The following ZNF652 variants were observed in gnomAD, a reference collection of about 807,000 sequenced individuals.
ZNF652 encodes zinc finger protein 652.
ZNF652 carries 16 observed loss-of-function variants against 45.2 expected under a neutral mutation model. The observed-to-expected ratio is 0.35, with a 90% CI of 0.24 to 0.54. ZNF652 has a LOEUF of 0.54. ZNF652 is among the 20% of genes least tolerant of loss of function. The pLI, the probability that ZNF652 is intolerant of heterozygous loss-of-function variation, is 0.91. For synonymous variants in ZNF652, 250 were observed against 260.6 expected (o/e 0.96, Z 0.39); for missense variants, 614 against 765.6 (o/e 0.80, Z 2.34).
chr17:49,347,346 C>T (rs144971681), intron 1 of ZNF652, among the ~76,000 whole-genome samples: 1 of 152,296 alleles, frequency 6.6e-6, no homozygotes, highest in East Asian at 1.9e-4. Context: ...GTGTGGATTG[C>T]TTGAACTCAG....
chr17:49,298,583 G>A lies in ZNF652; in HGVS notation c.1651C>T (p.His551Tyr). The change falls in exon 6 of 6, where the codon CAC becomes TAC. Residue 551 changes from histidine (H) to tyrosine (Y), a missense_variant. This residue lies in a region of ZNF652 where 132 missense variants were observed against 137.2 expected (regional missense o/e 0.96). Transcript: ENST00000430262. ...RPIPHPFSHL[H>Y]IHPHPHHPHH... ...GGGTGGTGAGGGTGTGGGTGGATGT[G>A]CAGGTGTGAGAAGGGGTGGGGGATG... The A allele has an allele frequency of 6.2e-7, 1 of 1,611,792 alleles. No homozygotes were observed. The highest frequency in any genetic ancestry group is 2.2e-5 in the East Asian group (1 of 44,800).
intron 5 of ZNF652, among the ~76,000 whole-genome samples, chr17:49,310,932 G>C (rs1347386991): frequency 6.6e-6 from 1 of 152,070 alleles, no homozygotes; most frequent in Non-Finnish European, 1.5e-5. Flanking sequence ...AACAGAGAGA[G>C]AGGGGTATTC....
chr17:49,340,580 G>GAAA (rs5820757), intron 1 of ZNF652, among the ~76,000 whole-genome samples: 3 of 140,004 alleles, frequency 2.1e-5, no homozygotes, highest in Non-Finnish European at 3.0e-5. Context: ...AAGAAAGAAA[G>GAAA]AAAAAATATA....
At chr17:49,313,316 C>T (rs376494461) in intron 2 of ZNF652, among the ~76,000 whole-genome samples, 20 of 152,112 alleles carry the variant, frequency 1.3e-4, no homozygotes, top group South Asian at 8.3e-4. Context: ...TCACCATTCC[C>T]GGCTAATTTT....
chr17:49,301,104 A>T (rs2069546467), intron 5 of ZNF652, among the ~76,000 whole-genome samples: 1 of 152,106 alleles, frequency 6.6e-6, no homozygotes, highest in Non-Finnish European at 1.5e-5. Flanking sequence ...CTTATACCTA[A>T]GAGAAAACAC....
rs1396999205 is a variant in ZNF652, at chr17:49,293,681, A to C, written c.*4732T>G. Among the ~76,000 whole-genome samples, 4 of 151,314 alleles carry C rather than the reference A, an allele frequency of 2.6e-5. No individual in the cohort carries two copies. Among genetic ancestry groups the C allele is most frequent in the African/African-American group, 9.7e-5 (4 of 41,336 alleles). ...AAAAAAAAAAAAAAAAAAAAAAAAA[A>C]AAAACTCTTAAGTAATTTCCTATCT... On this transcript the variant is annotated 3_prime_UTR_variant, in exon 6 of 6. Coordinates refer to ENST00000430262, the MANE Select transcript of ZNF652 (RefSeq NM_001145365.3).
intron 1 of ZNF652, among the ~76,000 whole-genome samples, chr17:49,329,391 C>T (rs1395978665): frequency 6.6e-6 from 1 of 152,202 alleles, no homozygotes; most frequent in Non-Finnish European, 1.5e-5. Flanking sequence ...AAATGTCCTT[C>T]ATTTCCAAAG....
At chr17:49,356,429 C>CAA (rs35374808) in intron 1 of ZNF652, among the ~76,000 whole-genome samples, 17,323 of 42,218 alleles carry the variant, frequency 0.41, 4,869 homozygotes, top group East Asian at 0.45. Flanking sequence ...ACTCTGTCTG[C>CAA]AAAAAAAAAA....
rs1409585811 is a variant in ZNF652 at position 49,292,347 on chromosome 17, G to A, written c.*6066C>T. The stretch of plus-strand genomic sequence containing the variant: ...TAAATGTTTCATCACGGAGGTGCTC[G>A]ATCATATTATATAAAACACTGCAAC... On this transcript the variant is annotated 3_prime_UTR_variant, in exon 6 of 6. Coordinates refer to ENST00000430262, the MANE Select transcript of ZNF652 (RefSeq NM_001145365.3). Among the ~76,000 whole-genome samples the A allele has an allele frequency of 1.3e-5, 2 of 152,026 alleles. No homozygotes were observed. Among genetic ancestry groups the A allele is most frequent in the East Asian group, 1.9e-4 (1 of 5,198 alleles).
At position 49,332,829 on chromosome 17, in the gene ZNF652, C is replaced by T. The variant is rs575393327; in HGVS notation, c.-258-14846G>A. On this transcript the variant is annotated intron_variant, in intron 1 of 5. Transcript: ENST00000430262. Reference sequence around the variant, plus strand: ...AGTTTGTAAATTAAATTTTTCTCTACCTCTTTCCTTCTTCTCCCTACCCCC... The same window carrying T: ...AGTTTGTAAATTAAATTTTTCTCTATCTCTTTCCTTCTTCTCCCTACCCCC... Among the ~76,000 whole-genome samples, 353 of 152,136 alleles carry T rather than the reference C, an allele frequency of 2.3e-3. 3 individuals carry two copies. The highest frequency in any genetic ancestry group is 0.011 in the South Asian group (53 of 4,828).
In ZNF652 at chr17:49,293,956, C is replaced by T. The variant is rs1029124526; in HGVS notation, c.*4457G>A. Among the ~76,000 whole-genome samples the T allele has an allele frequency of 2.6e-5, 4 of 152,000 alleles. No individual in the cohort carries two copies. Among genetic ancestry groups the T allele is most frequent in the Non-Finnish European group, 5.9e-5 (4 of 67,952 alleles). ...AGCTCAAACAGAAAGGTTTCTCTAA[C>T]TTTAGTTTTTTAGTTTTTTTTTAAA... On this transcript the variant is annotated 3_prime_UTR_variant, in exon 6 of 6. Transcript: ENST00000430262.
intron 2 of ZNF652, 60 bp downstream of exon 2, chr17:49,316,766 A>T: frequency 1.3e-6 from 2 of 1,510,044 alleles, no homozygotes; most frequent in Non-Finnish European, 1.8e-6. Context: ...CGGATACCAG[A>T]TGAATCTGAA....
intron 1 of ZNF652, among the ~76,000 whole-genome samples, chr17:49,346,147 G>A (rs747370349): frequency 2.2e-4 from 33 of 152,186 alleles, no homozygotes; most frequent in South Asian, 4.1e-4. Context: ...ATTTGTCCTA[G>A]TTTACTGGGA....
At chr17:49,352,070 A>C (rs1236624514) in intron 1 of ZNF652, among the ~76,000 whole-genome samples, 1 of 152,224 alleles carries the variant, frequency 6.6e-6, no homozygotes, top group Non-Finnish European at 1.5e-5. Flanking sequence ...GTTAACTGCA[A>C]TATTAGCTAT....
At chr17:49,337,451 T>C (rs575897410) in intron 1 of ZNF652, among the ~76,000 whole-genome samples, 121 of 152,302 alleles carry the variant, frequency 7.9e-4, no homozygotes, top group African/African-American at 2.8e-3. Flanking sequence ...ACACTGGATG[T>C]TGGCAAACTG....
chr17:49,302,329 C>T (rs1003294472), intron 5 of ZNF652, among the ~76,000 whole-genome samples: 2 of 148,792 alleles, frequency 1.3e-5, no homozygotes, highest in African/African-American at 4.9e-5. Flanking sequence ...CACCCTGTCA[C>T]CCAGGCTGGA....
At chr17:49,347,141 T>C (rs1402867308) in intron 1 of ZNF652, among the ~76,000 whole-genome samples, 1 of 152,246 alleles carries the variant, frequency 6.6e-6, no homozygotes, top group Non-Finnish European at 1.5e-5. Context: ...CAACTCATTC[T>C]TTTGAAAACA....
intron 2 of ZNF652, among the ~76,000 whole-genome samples, chr17:49,313,353 T>C (rs1212999229): frequency 1.3e-5 from 2 of 152,096 alleles, no homozygotes; most frequent in African/African-American, 4.8e-5. Flanking sequence ...GAGACAGGGT[T>C]TCACCGTGTT....
chr17:49,291,224 A>G lies in ZNF652; in HGVS notation c.*7189T>C, dbSNP rs1322821015. The G allele has an allele frequency of 6.6e-6, 1 of 152,208 alleles. No homozygotes were observed. The highest frequency in any genetic ancestry group is 1.5e-5 in the Non-Finnish European group (1 of 68,034). The allele number at this position is 152,208 out of a possible 1,614,324, so 9.4% of individuals were successfully genotyped here. On this transcript the variant is annotated 3_prime_UTR_variant, in exon 6 of 6. Transcript: ENST00000430262. The stretch of plus-strand genomic sequence containing the variant: ...GAAACAGTCTTGAGTCCTGTACAGG[A>G]TGTCTATCATGCTCATCAGACGGTC...
Sources: gnomAD v4.1 joint callset for allele counts (sites outside exome capture counted in the v4.1 genomes callset) on GRCh38, gnomAD v4.1.1 for gene constraint, gnomAD v4.1.1 regional missense constraint, MANE v1.5 for transcripts, NCBI Gene and HGNC (gene_info 2026-07-23, HGNC 2026-07-21) for gene names.